TUBGCP3: variants seen among roughly 807,000 people sequenced by gnomAD.
The protein encoded by TUBGCP3 is gamma-tubulin complex component 3.
Under a neutral mutation model 123.1 loss-of-function variants are expected in TUBGCP3, and 50 were observed. The observed-to-expected ratio is 0.41, with a 90% CI of 0.32 to 0.51. The LOEUF (loss-of-function observed/expected upper bound fraction) is 0.51. Among genes scored for constraint, TUBGCP3 ranks in the 20% least tolerant of loss-of-function variants. TUBGCP3 has a pLI of 0.36. For synonymous variants in TUBGCP3, 405 were observed against 413.9 expected, an observed-to-expected ratio of 0.98 and a Z score of 0.26; for missense variants, 882 against 1,127.0, an observed-to-expected ratio of 0.78 and a Z score of 3.11.
chr13:112,558,247 C>G lies in TUBGCP3; in HGVS notation c.497G>C (p.Gly166Ala). The change falls in exon 5 of 22, where the codon GGC becomes GCC. Residue 166 changes from glycine (G) to alanine (A), a missense_variant. Physicochemically the swap from Gly to Ala is moderately conservative, Grantham distance 60. This residue lies in a region of TUBGCP3 where 713 missense variants were observed against 874.0 expected (regional missense o/e 0.82). Coordinates refer to ENST00000261965, the MANE Select transcript of TUBGCP3 (RefSeq NM_006322.6). ...SVGSSGISSI[G>A]LCALSGPAPA... ...CGCGGGGCCACTGAGGGCACACAGGCCAATGCTGCTGATGCCACTGCTGCC... is the reference window on the plus strand; with the variant it reads ...CGCGGGGCCACTGAGGGCACACAGGGCAATGCTGCTGATGCCACTGCTGCC... 1 of 1,612,572 alleles carries G rather than the reference C, an allele frequency of 6.2e-7. No individual in the cohort carries two copies. The highest frequency in any genetic ancestry group is 8.5e-7 in the Non-Finnish European group (1 of 1,180,026).
intron 10 of TUBGCP3, chr13:112,546,350 A>G (rs1204663678): frequency 6.2e-6 from 1 of 162,046 alleles, no homozygotes; most frequent in Admixed American, 5.7e-5. Context: ...TGGCTACAAC[A>G]GACAGTGTGA....
At chr13:112,553,196 T>C (rs1168281717) in intron 8 of TUBGCP3, among the ~76,000 whole-genome samples, 1 of 148,506 alleles carries the variant, frequency 6.7e-6, no homozygotes, top group Non-Finnish European at 1.5e-5. Flanking sequence ...CCAGCCACAT[T>C]CTTACCCACC....
intron 3 of TUBGCP3, among the ~76,000 whole-genome samples, chr13:112,559,727 G>A (rs1050555410): frequency 3.9e-5 from 6 of 152,096 alleles, no homozygotes; most frequent in African/African-American, 9.7e-5. Flanking sequence ...CCCCAAAACC[G>A]TAATTATGAG....
intron 11 of TUBGCP3, among the ~76,000 whole-genome samples, chr13:112,528,062 T>C (rs752217082): frequency 1.3e-5 from 2 of 152,252 alleles, no homozygotes; most frequent in African/African-American, 4.8e-5. Context: ...GAACCATCTG[T>C]GCTCAGGAGC....
At chr13:112,512,148 C>T (rs1322396603) in intron 17 of TUBGCP3, among the ~76,000 whole-genome samples, 1 of 152,182 alleles carries the variant, frequency 6.6e-6, no homozygotes, top group Non-Finnish European at 1.5e-5. Flanking sequence ...TGGCTGAGCA[C>T]AGTAGCTCAC....
chr13:112,536,519 AT>A (rs1227744809), intron 11 of TUBGCP3, among the ~76,000 whole-genome samples: 1 of 152,072 alleles, frequency 6.6e-6, no homozygotes, highest in African/African-American at 2.4e-5. Context: ...CCTTGGTTAA[AT>A]TTTTTACTAT....
chr13:112,592,086 A>G (rs1344949088), upstream of TUBGCP3, among the ~76,000 whole-genome samples: 1 of 152,156 alleles, frequency 6.6e-6, no homozygotes, highest in Non-Finnish European at 1.5e-5. This position sits in a 1 kb window ranked among gnomAD's most constrained non-coding sequence, Gnocchi z 4.1. Context: ...TCCAGATGGA[A>G]CATCTGGACT....
At chr13:112,517,492 G>A (rs1212192408) in intron 16 of TUBGCP3, among the ~76,000 whole-genome samples, 1 of 152,170 alleles carries the variant, frequency 6.6e-6, no homozygotes, top group Admixed American at 6.5e-5. Context: ...CAGACTCTGT[G>A]AAATAATCGA....
upstream of TUBGCP3, among the ~76,000 whole-genome samples, chr13:112,590,272 G>A (rs554665743): frequency 9.9e-5 from 15 of 152,222 alleles, no homozygotes; most frequent in South Asian, 2.5e-3. Flanking sequence ...CACCGCGCCC[G>A]GTCCAGCCAT....
chr13:112,506,055 G>A (rs1261413762), intron 17 of TUBGCP3, among the ~76,000 whole-genome samples: 1 of 152,112 alleles, frequency 6.6e-6, no homozygotes. Context: ...AGTAACAAAC[G>A]ATGTTTAAAA....
chr13:112,488,441 C>T (rs915112507), intron 21 of TUBGCP3, among the ~76,000 whole-genome samples: 1 of 152,242 alleles, frequency 6.6e-6, no homozygotes, highest in Non-Finnish European at 1.5e-5. Flanking sequence ...CGTCCCCAGC[C>T]TTCCGGGGTC....
chr13:112,519,865 C>CA lies in TUBGCP3; in HGVS notation c.1881+20dup, dbSNP rs1460671736. The CA allele has an allele frequency of 6.2e-7, 1 of 1,607,680 alleles. No individual in the cohort carries two copies. The highest frequency in any genetic ancestry group is 8.5e-7 in the Non-Finnish European group (1 of 1,175,804). Reference sequence around the variant, plus strand: ...GTCCTCGGTGCCGGGGCGGCGTTCCCAACACGCAGAGCCGCAGTACCTCCA... The same window carrying CA: ...GTCCTCGGTGCCGGGGCGGCGTTCCCAAACACGCAGAGCCGCAGTACCTCCA... On this transcript the variant is annotated intron_variant, in intron 15 of 21. Coordinates refer to ENST00000261965, the MANE Select transcript of TUBGCP3 (RefSeq NM_006322.6). The surrounding 1 kb of genome is among the most constrained non-coding windows in gnomAD (Gnocchi z 6.2).
chr13:112,597,195 G>C, the TUBGCP3 span, among the ~76,000 whole-genome samples: 1 of 152,202 alleles, frequency 6.6e-6, no homozygotes, highest in Non-Finnish European at 1.5e-5. Context: ...GGCTCTTAAG[G>C]TTGCTTAGGG....
intron 11 of TUBGCP3, among the ~76,000 whole-genome samples, chr13:112,534,781 G>A (rs972325187): frequency 1.3e-5 from 2 of 152,062 alleles, no homozygotes; most frequent in African/African-American, 2.4e-5. Context: ...TTTTTTTAGA[G>A]GAAATTCACA....
chr13:112,572,546 T>C (rs1298792450), intron 1 of TUBGCP3, among the ~76,000 whole-genome samples: 1 of 152,144 alleles, frequency 6.6e-6, no homozygotes, highest in Non-Finnish European at 1.5e-5. Flanking sequence ...CTAATTTCAC[T>C]TAAACAGTAA....
At chr13:112,518,276 GAGA>G (rs1312423254) in intron 16 of TUBGCP3, among the ~76,000 whole-genome samples, 1 of 152,174 alleles carries the variant, frequency 6.6e-6, no homozygotes, top group East Asian at 1.9e-4. Context: ...CAGAACCACT[GAGA>G]AGAAATTTTA....
chr13:112,504,185 A>C, intron 18 of TUBGCP3, 22 bp from the exon 19 acceptor site: 1 of 1,613,954 alleles, frequency 6.2e-7, no homozygotes, highest in Non-Finnish European at 8.5e-7. Flanking sequence ...CAATTTAAAG[A>C]CGCTAGATAA....
intron 1 of TUBGCP3, 145 bp from the exon 2 acceptor site, chr13:112,569,404 T>G: frequency 3.2e-6 from 2 of 634,266 alleles, no homozygotes; most frequent in Non-Finnish European, 5.4e-6. Context: ...GAAAAGCTAT[T>G]AAGATATCAA....
At chr13:112,526,581 CA>C (rs1214632843) in intron 13 of TUBGCP3, among the ~76,000 whole-genome samples, 1 of 143,636 alleles carries the variant, frequency 7.0e-6, no homozygotes, top group Middle Eastern at 3.5e-3. Context: ...ATAATCACAC[CA>C]TCACCACATC....
Sources: allele counts gnomAD v4.1 joint callset (sites outside exome capture counted in the v4.1 genomes callset), GRCh38; gene constraint gnomAD v4.1.1; regional missense constraint gnomAD v4.1.1; non-coding constraint Gnocchi (gnomAD v3.1); transcripts MANE v1.5; gene names NCBI Gene and HGNC (gene_info 2026-07-23, HGNC 2026-07-21).